The following HAT1 variants were observed in gnomAD, a reference collection of about 807,000 sequenced individuals.
HAT1 encodes the protein histone acetyltransferase type B catalytic subunit.
Under a neutral mutation model 56.6 loss-of-function variants are expected in HAT1, and 20 were observed. The observed-to-expected ratio is 0.35, with a 90% CI of 0.25 to 0.51. The LOEUF is 0.51. Ranked by LOEUF, HAT1 falls within the 20% of genes least tolerant of loss-of-function variation. The probability of loss-of-function intolerance (pLI) is 0.95; values close to 1 mark genes in which losing one functional copy is unlikely to be tolerated. For synonymous variants in HAT1, 146 were observed against 165.5 expected (o/e 0.88, Z 0.91); for missense variants, 408 against 504.3 (o/e 0.81, Z 1.83).
At chr2:171,963,637 C>T (rs1346569203) in intron 4 of HAT1, among the ~76,000 whole-genome samples, 1 of 152,032 alleles carries the variant, frequency 6.6e-6, no homozygotes, top group East Asian at 1.9e-4. Flanking sequence ...TTTTTAAAAA[C>T]CTTAACTAAC....
At chr2:171,968,898 G>A (rs1475951182) in intron 8 of HAT1, among the ~76,000 whole-genome samples, 2 of 152,034 alleles carry the variant, frequency 1.3e-5, no homozygotes, top group Non-Finnish European at 2.9e-5. Flanking sequence ...TCTTTATATT[G>A]AGATGGCCTT....
At chr2:171,935,501 G>A (rs1308699689) in intron 2 of HAT1, among the ~76,000 whole-genome samples, 22 of 78,768 alleles carry the variant, frequency 2.8e-4, no homozygotes, top group African/African-American at 1.2e-3. Context: ...GGCAACAAGA[G>A]CAAAACTCCA....
At chr2:171,960,352 A>T (rs934679217) in intron 4 of HAT1, among the ~76,000 whole-genome samples, 16 of 152,198 alleles carry the variant, frequency 1.1e-4, no homozygotes, top group African/African-American at 3.9e-4. Context: ...GGTACTGTTA[A>T]CTGGGAAAAC....
intron 2 of HAT1, among the ~76,000 whole-genome samples, chr2:171,932,064 A>G (rs1429980813): frequency 2.0e-5 from 3 of 152,184 alleles, no homozygotes; most frequent in African/African-American, 4.8e-5. Flanking sequence ...TTTCTTTATC[A>G]AGATAATCAT....
intron 8 of HAT1, among the ~76,000 whole-genome samples, chr2:171,972,760 C>T (rs541512059): frequency 2.0e-5 from 3 of 152,238 alleles, no homozygotes; most frequent in Admixed American, 1.3e-4. Flanking sequence ...GGGAGAGTGA[C>T]TGCATTCACT....
chr2:171,927,242 T>C (rs548673922), intron 2 of HAT1, among the ~76,000 whole-genome samples: 6 of 152,368 alleles, frequency 3.9e-5, no homozygotes, highest in Admixed American at 1.3e-4. Flanking sequence ...TTAGAACAAG[T>C]GAAAAATAAT....
intron 9 of HAT1, 84 bp downstream of exon 9, chr2:171,976,392 A>G: frequency 2.9e-6 from 2 of 694,078 alleles, no homozygotes; most frequent in Non-Finnish European, 4.3e-6. Context: ...TATTATAAAG[A>G]CATTAAGAAT....
chr2:171,949,816 C>G (rs1175547748), intron 3 of HAT1, among the ~76,000 whole-genome samples: 1 of 152,070 alleles, frequency 6.6e-6, no homozygotes, highest in African/African-American at 2.4e-5. Flanking sequence ...GAGTCTTTTA[C>G]AATTCAGTGG....
chr2:171,977,214 C>T (rs1277557316), intron 9 of HAT1, among the ~76,000 whole-genome samples: 2 of 149,708 alleles, frequency 1.3e-5, no homozygotes, highest in African/African-American at 2.5e-5. Context: ...AGGTGGCTCA[C>T]GCCTGTAATC....
chr2:171,922,700 C>CA (rs753499603), intron 1 of HAT1, 193 bp downstream of exon 1: 2 of 419,868 alleles, frequency 4.8e-6, no homozygotes, highest in Non-Finnish European at 8.2e-6. Flanking sequence ...CCCCCGCCCC[C>CA]AACTGCTTGG....
At chr2:171,961,891 G>GTTTT (rs61586009) in intron 4 of HAT1, among the ~76,000 whole-genome samples, 1 of 141,742 alleles carries the variant, frequency 7.1e-6, no homozygotes, top group Non-Finnish European at 1.5e-5. Flanking sequence ...TCTTTTGCTT[G>GTTTT]TTTTTTTTTT....
intron 4 of HAT1, among the ~76,000 whole-genome samples, chr2:171,955,145 C>T (rs1195784881): frequency 3.3e-5 from 5 of 152,248 alleles, no homozygotes; most frequent in Non-Finnish European, 7.4e-5. Flanking sequence ...ATTATAGCAG[C>T]CACAGGAAAC....
intron 2 of HAT1, among the ~76,000 whole-genome samples, chr2:171,929,373 A>T (rs1487844669): frequency 6.6e-6 from 1 of 152,136 alleles, no homozygotes; most frequent in Non-Finnish European, 1.5e-5. Context: ...TGAGTCCTTT[A>T]TGCAGATTAC....
intron 2 of HAT1, among the ~76,000 whole-genome samples, chr2:171,934,836 A>G (rs1489465222): frequency 2.0e-5 from 3 of 149,390 alleles, no homozygotes; most frequent in African/African-American, 7.4e-5. Context: ...GCTCACTGCA[A>G]CCTCCGCCTC....
chr2:171,932,639 A>G (rs980055882), intron 2 of HAT1, among the ~76,000 whole-genome samples: 5 of 152,280 alleles, frequency 3.3e-5, no homozygotes, highest in Non-Finnish European at 4.4e-5. Flanking sequence ...AGGCCAAGGC[A>G]GAAGGATCGC....
At chr2:171,925,261 C>T (rs761033536) in intron 1 of HAT1, among the ~76,000 whole-genome samples, 7 of 151,694 alleles carry the variant, frequency 4.6e-5, no homozygotes, top group Non-Finnish European at 1.0e-4. Flanking sequence ...TTAGTAGAGA[C>T]GGGTTTCACC....
chr2:171,954,714 C>T (rs771824849), intron 4 of HAT1, among the ~76,000 whole-genome samples: 5 of 152,160 alleles, frequency 3.3e-5, no homozygotes, highest in Non-Finnish European at 7.4e-5. Context: ...GAGTATGCAT[C>T]TGTGGTAGAC....
chr2:171,978,941 A>C (rs1688058590), intron 9 of HAT1, among the ~76,000 whole-genome samples: 1 of 151,784 alleles, frequency 6.6e-6, no homozygotes, highest in Middle Eastern at 3.2e-3. Context: ...AAAAAAAAAA[A>C]AATAGCCGAG....
rs547452761 is a variant in HAT1, at chr2:171,930,358, CAG to C, written c.112+4718_112+4719del. On this transcript the variant is annotated intron_variant, in intron 2 of 10. Coordinates refer to ENST00000264108, the MANE Select transcript of HAT1 (RefSeq NM_003642.4). ...CTAATTTTTGTATTTTTTGTAGAGACAGGGTTTCGCCTTGTTACCCAGACTGG... is the reference window on the plus strand; with the variant it reads ...CTAATTTTTGTATTTTTTGTAGAGACGGTTTCGCCTTGTTACCCAGACTGG... Among the ~76,000 whole-genome samples, 8 of 152,170 alleles carry C rather than the reference CAG, an allele frequency of 5.3e-5. No individual in the cohort carries two copies. The South Asian group carries it at 1.7e-3, about 32-fold the overall frequency.
Sources: allele counts gnomAD v4.1 joint callset (sites outside exome capture counted in the v4.1 genomes callset), GRCh38; gene constraint gnomAD v4.1.1; transcripts MANE v1.5; gene names NCBI Gene and HGNC (gene_info 2026-07-23, HGNC 2026-07-21).